Variants in PPP6C observed in about 807,000 individuals in gnomAD.
PPP6C encodes protein phosphatase 6 catalytic subunit, also known as serine/threonine-protein phosphatase 6 catalytic subunit.
In PPP6C, 11 loss-of-function variants were observed where a neutral mutation model predicts 39.8. The ratio of observed to expected loss-of-function variants is 0.28; its 90% confidence interval spans 0.17 to 0.46. PPP6C has a LOEUF of 0.46. Among genes scored for constraint, PPP6C ranks in the 20% least tolerant of loss-of-function variants. The pLI is 1.00. For synonymous variants in PPP6C, 129 were observed against 130.3 expected (o/e 0.99, Z 0.07); for missense variants, 211 against 373.9 (o/e 0.56, Z 3.59).
At chr9:125,176,533 TG>T (rs1001334015) in intron 1 of PPP6C, among the ~76,000 whole-genome samples, 4 of 152,194 alleles carry the variant, frequency 2.6e-5, no homozygotes, top group African/African-American at 7.2e-5. Context: ...GGCATGTGCC[TG>T]AAGTCCCAGA....
At chr9:125,172,453 C>T (rs761980856) in intron 1 of PPP6C, among the ~76,000 whole-genome samples, 25 of 152,046 alleles carry the variant, frequency 1.6e-4, no homozygotes, top group Non-Finnish European at 3.1e-4. Flanking sequence ...GTGATCTGCC[C>T]GCTTCGGCCT....
In PPP6C at chr9:125,150,943, A is replaced by C. The variant is rs1182367110; in HGVS notation, c.670-1022T>G. On this transcript the variant is annotated intron_variant, in intron 6 of 6. Transcript: ENST00000373547. ...TGCTTCCCTTATGCCCAGCAGGATAATAAAGAGTCAGGTGACAATCTCAGC... is the reference window on the plus strand; with the variant it reads ...TGCTTCCCTTATGCCCAGCAGGATACTAAAGAGTCAGGTGACAATCTCAGC... 4.3e-6 allele frequency: 5 copies of C among 1,160,292 alleles called. No individual in the cohort carries two copies. The East Asian group carries it at 1.2e-4, about 27-fold the overall frequency. The allele number at this position is 1,160,292 out of a possible 1,614,324, so 71.9% of individuals were successfully genotyped here.
intron 4 of PPP6C, among the ~76,000 whole-genome samples, 193 bp from the exon 5 acceptor site, chr9:125,154,178 G>T (rs1517411): frequency 6.6e-6 from 1 of 151,988 alleles, no homozygotes; most frequent in Non-Finnish European, 1.5e-5. Flanking sequence ...ACATACAGTT[G>T]TATGTCCCTT....
Position 125,150,610 on chromosome 9 carries a change from G to T in PPP6C, c.670-689C>A, listed in dbSNP as rs185974351. On this transcript the variant is annotated intron_variant, in intron 6 of 6. Transcript: ENST00000373547. ...TGGTTGCAGTCTCTGCAGCAGCAGTGATCACTTAGTGAAGAGTGCTTAGGG... is the reference window on the plus strand; with the variant it reads ...TGGTTGCAGTCTCTGCAGCAGCAGTTATCACTTAGTGAAGAGTGCTTAGGG... 1.7e-4 allele frequency: 151 copies of T among 869,894 alleles called. No individual in the cohort carries two copies. The East Asian group carries it at 6.5e-3, about 37-fold the overall frequency. The allele number at this position is 869,894 out of a possible 1,614,324, so 53.9% of individuals were successfully genotyped here.
rs527545307 is a variant in PPP6C, at chr9:125,168,692, C to T, written c.171+2393G>A. 7.3e-5 allele frequency among the ~76,000 whole-genome samples: 11 copies of T among 151,470 alleles called. No homozygotes were observed. In the South Asian group the frequency reaches 1.9e-3, roughly 26 times the overall value. ...CAGGATGGTCTCGATCTCTTGCCCT[C>T]GTGATCCACCCACCTCAGCCTCCCA... On this transcript the variant is annotated intron_variant, in intron 2 of 6. Coordinates refer to ENST00000373547, the MANE Select transcript of PPP6C (RefSeq NM_002721.5).
intron 1 of PPP6C, among the ~76,000 whole-genome samples, chr9:125,189,380 G>A (rs2131349801): frequency 6.6e-6 from 1 of 152,342 alleles, no homozygotes; most frequent in Non-Finnish European, 1.5e-5. Context: ...GCGGGTCCTG[G>A]GGCAGCCCGA....
At chr9:125,159,766 C>T (rs1199328544) in intron 3 of PPP6C, among the ~76,000 whole-genome samples, 2 of 152,142 alleles carry the variant, frequency 1.3e-5, no homozygotes, top group Non-Finnish European at 2.9e-5. Context: ...AATCCCAGCA[C>T]TTTGGGAGGC....
Position 125,189,682 on chromosome 9 carries a change from C to A in PPP6C, c.37G>T (p.Ala13Ser). The A allele has an allele frequency of 6.2e-7, 1 of 1,612,474 alleles. No individual in the cohort carries two copies. Among genetic ancestry groups the A allele is most frequent in the Non-Finnish European group, 8.5e-7 (1 of 1,179,410 alleles). The change falls in exon 1 of 7, where the codon GCG becomes TCG. Residue 13 changes from alanine to serine, a missense_variant. Ala to Ser is a moderately conservative substitution (Grantham distance 99, BLOSUM62 1). This residue lies in a region of PPP6C where 43 missense variants were observed against 31.3 expected (regional missense o/e 1.38). Coordinates refer to ENST00000373547, the MANE Select transcript of PPP6C (RefSeq NM_002721.5). ...PLDLDKYVEI[A>S]RLCKYLPEND... ...TCTGGCAGGTACTTGCACAGCCGCG[C>A]TATTTCCACATACTTGTCCAGGTCT...
intron 4 of PPP6C, among the ~76,000 whole-genome samples, chr9:125,157,685 TTTTTTTTTTGG>T (rs1358307251): frequency 9.9e-6 from 1 of 101,134 alleles, no homozygotes; most frequent in African/African-American, 3.9e-5. Context: ...AGCATTCTCC[TTTTTTTTTTGG>T]TTTTTTTTTT....
At position 125,187,301 on chromosome 9, in the gene PPP6C, CAG is replaced by C. The variant is rs201358150; in HGVS notation, c.75+2341_75+2342del. ...AATTTCCTTTTCTTTTTTTTTGAGA[CAG>C]AGTCTTGCTCTGTCTCCCAGGCTGG... is the stretch of plus-strand genomic sequence containing the variant. On this transcript the variant is annotated intron_variant, in intron 1 of 6. Transcript: ENST00000373547. Among the ~76,000 whole-genome samples the C allele has an allele frequency of 8.8e-3, 1,332 of 151,190 alleles. 39 individuals are homozygous for C. The highest frequency in any genetic ancestry group is 0.031 in the African/African-American group (1,281 of 40,962).
intron 1 of PPP6C, among the ~76,000 whole-genome samples, chr9:125,179,758 C>T (rs772805408): frequency 2.0e-5 from 3 of 151,286 alleles, no homozygotes; most frequent in East Asian, 1.9e-4. Flanking sequence ...CAGATTCAAG[C>T]GATTCTCCTG....
chr9:125,153,278 A>G (rs1185291944), intron 6 of PPP6C, among the ~76,000 whole-genome samples: 1 of 152,196 alleles, frequency 6.6e-6, no homozygotes, highest in Non-Finnish European at 1.5e-5. Context: ...TCCATCTCAA[A>G]AACAAAAAAA....
intron 6 of PPP6C, among the ~76,000 whole-genome samples, chr9:125,152,499 T>G (rs1433606670): frequency 3.3e-5 from 5 of 152,172 alleles, no homozygotes. Flanking sequence ...CTATTTGGCT[T>G]TTCAAATGAA....
At chr9:125,151,426 A>G in intron 6 of PPP6C, 1 of 856,908 alleles carries the variant, frequency 1.2e-6, no homozygotes, top group South Asian at 1.3e-5. Context: ...TCAACAACGC[A>G]TGCTTTAAAG....
Position 125,175,298 on chromosome 9 carries a change from T to C in PPP6C, c.76-4118A>G, listed in dbSNP as rs573647492. 1.1e-4 allele frequency among the ~76,000 whole-genome samples: 17 copies of C among 152,176 alleles called. 1 individual carries two copies. The highest frequency in any genetic ancestry group is 3.9e-4 in the African/African-American group (16 of 41,518). ...GCCTTAAACTTTATACTGAAAGATG[T>C]TCTCGAAGGTTCCATCAGAATTATA... On this transcript the variant is annotated intron_variant, in intron 1 of 6. Transcript: ENST00000373547.
At chr9:125,174,543 T>G (rs1283796375) in intron 1 of PPP6C, among the ~76,000 whole-genome samples, 1 of 151,766 alleles carries the variant, frequency 6.6e-6, no homozygotes, top group African/African-American at 2.4e-5. Flanking sequence ...GTGTTGAATT[T>G]TCCACACCTA....
intron 1 of PPP6C, 63 bp from the exon 2 acceptor site, chr9:125,171,243 CA>C (rs1564153887): frequency 7.6e-7 from 1 of 1,314,428 alleles, no homozygotes; most frequent in South Asian, 1.4e-5. Flanking sequence ...GATAAAATAC[CA>C]AAAAAGAAAA....
chr9:125,178,378 T>C (rs1829348865), intron 1 of PPP6C, among the ~76,000 whole-genome samples: 1 of 152,178 alleles, frequency 6.6e-6, no homozygotes. Flanking sequence ...CATGGTTGTT[T>C]CACTTTGCAT....
intron 1 of PPP6C, chr9:125,188,879 A>C: frequency 6.6e-7 from 1 of 1,508,898 alleles, no homozygotes; most frequent in Non-Finnish European, 9.0e-7. Flanking sequence ...CCATACATAC[A>C]TTTACTCTTA....
Sources: allele counts gnomAD v4.1 joint callset (sites outside exome capture counted in the v4.1 genomes callset), GRCh38; gene constraint gnomAD v4.1.1; regional missense constraint gnomAD v4.1.1; transcripts MANE v1.5; gene names NCBI Gene and HGNC (gene_info 2026-07-23, HGNC 2026-07-21).